The following DDX54 variants were observed in gnomAD, a reference collection of about 807,000 sequenced individuals.
DDX54 encodes ATP-dependent RNA helicase DDX54.
DDX54 carries 67 observed loss-of-function variants against 105.5 expected under a neutral mutation model. The ratio of observed to expected loss-of-function variants is 0.64; its 90% CI spans 0.52 to 0.78. DDX54 has a LOEUF of 0.78. Ranked by LOEUF, DDX54 falls within the 30% of genes least tolerant of loss-of-function variation. DDX54 has a pLI of 0.00. For missense variants in DDX54, 1,206 were observed against 1,230.5 expected, an observed-to-expected ratio of 0.98 and a Z score of 0.30; for synonymous variants, 514 against 509.9, an observed-to-expected ratio of 1.01 and a Z score of -0.11.
rs781521373 is a variant in DDX54 at position 113,180,913 on chromosome 12, G to A, written c.304+16C>T. The A allele has an allele frequency of 2.5e-6, 4 of 1,612,996 alleles. No individual in the cohort carries two copies. The highest frequency in any genetic ancestry group is 3.4e-6 in the Non-Finnish European group (4 of 1,179,464). ...CTGCCACTCCCGCAGAGTCCCTGATGCCAAGTTGCACCCACCCATGGACTG... is the reference window on the plus strand; with the variant it reads ...CTGCCACTCCCGCAGAGTCCCTGATACCAAGTTGCACCCACCCATGGACTG... On this transcript the variant is annotated intron_variant, in intron 2 of 19. Coordinates refer to ENST00000306014, the MANE Select transcript of DDX54 (RefSeq NM_024072.4).
Position 113,177,054 on chromosome 12 carries a change from G to A in DDX54, c.654C>T (p.Asp218=). Reference sequence around the variant, plus strand: ...TCATCCCCAATCCACAAACTCACATGTCGGGATTTTCGTGCAGGGCTGCAA... The same window carrying A: ...TCATCCCCAATCCACAAACTCACATATCGGGATTTTCGTGCAGGGCTGCAA... The part of the protein sequence containing the change: ...DQFAALHENP[D]IIIATPGRLV... Residue 218 remains aspartate (D), a splice_region_variant and synonymous_variant, in exon 6 of 20, where the codon GAC becomes GAT. Transcript: ENST00000306014. 6.2e-7 allele frequency: 1 copy of A among 1,614,174 alleles called. No individual in the cohort carries two copies. The highest frequency in any genetic ancestry group is 8.5e-7 in the Non-Finnish European group (1 of 1,180,030).
At chr12:113,165,032 C>T (rs1350862690) in intron 14 of DDX54, among the ~76,000 whole-genome samples, 10 of 152,146 alleles carry the variant, frequency 6.6e-5, no homozygotes, top group Non-Finnish European at 1.5e-4. Context: ...GTTTCAAAAA[C>T]AAACAAACAA....
intron 10 of DDX54, among the ~76,000 whole-genome samples, chr12:113,172,956 T>C (rs1952357326): frequency 7.0e-6 from 1 of 143,794 alleles, no homozygotes; most frequent in Non-Finnish European, 1.5e-5. Flanking sequence ...TCTTTGTGCC[T>C]TATTATGAGG....
intron 7 of DDX54, among the ~76,000 whole-genome samples, chr12:113,175,504 G>A (rs1283894259): frequency 1.3e-5 from 2 of 152,148 alleles, no homozygotes; most frequent in Non-Finnish European, 2.9e-5. Flanking sequence ...AAAATTAGCT[G>A]GGGCCGGGCG....
chr12:113,161,482 A>T (rs1952205507), intron 18 of DDX54, 100 bp from the exon 19 acceptor site: 1 of 944,924 alleles, frequency 1.1e-6, no homozygotes, highest in Admixed American at 2.3e-5. Context: ...TCCCAGCCGC[A>T]GCTGAAGCTG....
In DDX54 at chr12:113,181,051, G is replaced by C; in HGVS notation, c.182C>G (p.Pro61Arg). ...EDDARARKLG[P>R]GRPLPTFPTS... ...GGGGAAGGTGGGCAGGGGTCTTCCA[G>C]GTCCCAGCTGGGAGGGAAGGACAGA... Residue 61 changes from proline to arginine, a missense_variant, in exon 2 of 20, where the codon CCT (proline) becomes CGT (arginine). By Grantham distance (103) the Pro-to-Arg change is moderately radical. Transcript: ENST00000306014. 6.2e-7 allele frequency: 1 copy of C among 1,611,426 alleles called. No individual in the cohort carries two copies. Among genetic ancestry groups the C allele is most frequent in the Non-Finnish European group, 8.5e-7 (1 of 1,179,008 alleles).
chr12:113,168,454 G>T (rs1251605558), intron 12 of DDX54, among the ~76,000 whole-genome samples: 2 of 152,244 alleles, frequency 1.3e-5, no homozygotes, highest in Non-Finnish European at 2.9e-5. Flanking sequence ...TCTCTCATCT[G>T]TGAAGCAGAG....
In DDX54 at chr12:113,158,536, A is replaced by G. The variant is rs1952164421; in HGVS notation, c.*341T>C. ...TATTACATTAAAAATTCCATTGCCA[A>G]ACCCTGAGGCACTCAGGGCTCTGAC... On this transcript the variant is annotated 3_prime_UTR_variant, in exon 20 of 20. Coordinates refer to ENST00000306014, the MANE Select transcript of DDX54 (RefSeq NM_024072.4). The surrounding 1 kb of genome is among the most constrained non-coding windows in gnomAD (Gnocchi z 4.9). 1 of 246,412 alleles carries G rather than the reference A, an allele frequency of 4.1e-6. No individual in the cohort carries two copies. Among genetic ancestry groups the G allele is most frequent in the Non-Finnish European group, 7.7e-6 (1 of 129,896 alleles). 15.3% of individuals were successfully genotyped at this position (246,412 alleles called of 1,614,324 possible). A position where few individuals can be genotyped will look rare whatever the true frequency, so the allele number is the denominator to read the frequency against.
Position 113,181,823 on chromosome 12 carries a change from C to G in DDX54, c.175-765G>C, listed in dbSNP as rs116565028. ...CAATCCAGACACCTCCTCTGGGGAA[C>G]CTTCTTGGACTACAGGGCTGTCCCC... is the stretch of plus-strand genomic sequence containing the variant. On this transcript the variant is annotated intron_variant, in intron 1 of 19. Transcript: ENST00000306014. Among the ~76,000 whole-genome samples, 877 of 152,150 alleles carry G rather than the reference C, an allele frequency of 5.8e-3. 8 individuals are homozygous for G. Among genetic ancestry groups the G allele is most frequent in the African/African-American group, 0.02 (843 of 41,516 alleles).
chr12:113,177,617 T>C (rs1351448618), intron 5 of DDX54, among the ~76,000 whole-genome samples: 1 of 151,988 alleles, frequency 6.6e-6, no homozygotes, highest in Non-Finnish European at 1.5e-5. Context: ...TAAATGACAA[T>C]GGAGACAAAG....
intron 1 of DDX54, 31 bp downstream of exon 1, chr12:113,185,247 C>A: frequency 6.8e-7 from 1 of 1,477,248 alleles, no homozygotes; most frequent in Non-Finnish European, 8.9e-7. Flanking sequence ...GGTCTCGGGC[C>A]CGAACATGCG....
chr12:113,175,510 G>A (rs1054956324), intron 7 of DDX54, among the ~76,000 whole-genome samples: 7 of 152,204 alleles, frequency 4.6e-5, no homozygotes, highest in Admixed American at 1.3e-4. Flanking sequence ...AGCTGGGGCC[G>A]GGCGCAGTGG....
At chr12:113,160,535 G>A (rs777582028) in intron 19 of DDX54, among the ~76,000 whole-genome samples, 1 of 152,194 alleles carries the variant, frequency 6.6e-6, no homozygotes, top group African/African-American at 2.4e-5. Context: ...CCTGATAACA[G>A]CCCTTAAGCA....
rs1421237987 is a variant in DDX54, at chr12:113,175,052, C to T, written c.858G>A (p.Val286=). The T allele has an allele frequency of 6.2e-7, 1 of 1,613,916 alleles. No homozygotes were observed. Among genetic ancestry groups the T allele is most frequent in the Non-Finnish European group, 8.5e-7 (1 of 1,180,014 alleles). The part of the protein sequence containing the change: ...LFSATLPKLL[V]EFARAGLTEP... ...CTCACGCACCAGCCCGGGCAAATTC[C>T]ACCAGCAGTTTGGGCAGCGTGGCGG... The change falls in exon 8 of 20, where the codon GTG becomes GTA. Residue 286 remains valine, a synonymous_variant. Coordinates refer to ENST00000306014, the MANE Select transcript of DDX54 (RefSeq NM_024072.4).
At chr12:113,179,664 G>C (rs1361736919) in intron 3 of DDX54, among the ~76,000 whole-genome samples, 2 of 152,176 alleles carry the variant, frequency 1.3e-5, no homozygotes, top group East Asian at 3.9e-4. Flanking sequence ...CACAAGCCCT[G>C]GGTGATAATA....
chr12:113,165,594 G>T, intron 14 of DDX54, 50 bp downstream of exon 14: 1 of 1,533,866 alleles, frequency 6.5e-7, no homozygotes, highest in Non-Finnish European at 8.8e-7. Context: ...CTGTCTCTGG[G>T]CTCCACAGAG....
At chr12:113,166,885 A>C (rs1267368481) in intron 12 of DDX54, among the ~76,000 whole-genome samples, 4 of 152,218 alleles carry the variant, frequency 2.6e-5, no homozygotes, top group Non-Finnish European at 5.9e-5. Context: ...ATCTAGGCAG[A>C]GTCCATACTA....
At position 113,163,256 on chromosome 12, in the gene DDX54, C is replaced by G. The variant is rs200348185; in HGVS notation, c.1957G>C (p.Val653Leu). ...CCTGACCGCTGCCGCTTCCGGCCCACGACCTCTGAGAAAATGTCCTGGCAG... is the reference window on the plus strand; with the variant it reads ...CCTGACCGCTGCCGCTTCCGGCCCAGGACCTCTGAGAAAATGTCCTGGCAG... The part of the protein sequence containing the change: ...ESVEDIFSEV[V>L]GRKRQRSGPN... Residue 653 changes from valine to leucine, a missense_variant, in exon 16 of 20, where the codon GTG becomes CTG. Coordinates refer to ENST00000306014, the MANE Select transcript of DDX54 (RefSeq NM_024072.4). This position sits in a 1 kb window ranked among gnomAD's most constrained non-coding sequence, Gnocchi z 5.9. The G allele has an allele frequency of 8.1e-6, 13 of 1,609,604 alleles. 1 individual carries two copies. In the South Asian group the frequency reaches 1.4e-4, roughly 18 times the overall value.
At chr12:113,172,760 C>T (rs1176163225) in intron 10 of DDX54, among the ~76,000 whole-genome samples, 197 bp from the exon 11 acceptor site, 2 of 152,224 alleles carry the variant, frequency 1.3e-5, no homozygotes, top group Non-Finnish European at 2.9e-5. Flanking sequence ...ACACCTCCCA[C>T]CTCTCTGCAG....
Sources: allele counts gnomAD v4.1 joint callset (sites outside exome capture counted in the v4.1 genomes callset), GRCh38; gene constraint gnomAD v4.1.1; non-coding constraint Gnocchi (gnomAD v3.1); transcripts MANE v1.5; gene names NCBI Gene and HGNC (gene_info 2026-07-23, HGNC 2026-07-21).